The following ASTN2 variants were observed in gnomAD, a reference collection of about 807,000 sequenced individuals.
ASTN2 encodes the protein astrotactin 2.
A neutral mutation model predicts 139.8 loss-of-function variants in ASTN2; 54 were observed. That is an observed-to-expected ratio of 0.39 (90% CI 0.31 to 0.48). The LOEUF (loss-of-function observed/expected upper bound fraction) is 0.48, where lower values mean the gene tolerates loss of function less well. Among genes scored for constraint, ASTN2 ranks in the 20% least tolerant of loss-of-function variants. The pLI is 0.95. For missense variants in ASTN2, 1,565 were observed against 1,725.1 expected, an observed-to-expected ratio of 0.91 and a Z score of 1.64; for synonymous variants, 756 against 719.5, an observed-to-expected ratio of 1.05 and a Z score of -0.81.
chr9:117,236,531 T>A (rs78829241), intron 2 of ASTN2, among the ~76,000 whole-genome samples: 2,712 of 152,272 alleles, frequency 0.018, 48 homozygotes, highest in Middle Eastern at 0.041. Flanking sequence ...GGCAGTGACA[T>A]GTGATTCTCC....
At chr9:116,454,781 T>C (rs1356511643) in intron 20 of ASTN2, among the ~76,000 whole-genome samples, 2 of 152,052 alleles carry the variant, frequency 1.3e-5, no homozygotes, top group Non-Finnish European at 2.9e-5. Flanking sequence ...GAGCAAACTA[T>C]CGCAAGGACA....
intron 16 of ASTN2, among the ~76,000 whole-genome samples, chr9:116,680,394 C>A (rs1200404079): frequency 2.0e-5 from 3 of 152,176 alleles, no homozygotes; most frequent in Non-Finnish European, 4.4e-5. Context: ...AGCTTACCAA[C>A]CAAAAAGAGT....
At chr9:117,187,196 A>T (rs538079788) in intron 3 of ASTN2, among the ~76,000 whole-genome samples, 1 of 152,282 alleles carries the variant, frequency 6.6e-6, no homozygotes, top group South Asian at 2.1e-4. Flanking sequence ...TGTGTGTATG[A>T]TTATGTACAT....
intron 5 of ASTN2, among the ~76,000 whole-genome samples, chr9:117,088,215 G>A (rs7852391): frequency 0.87 from 131,593 of 152,128 alleles, 57,038 homozygotes; most frequent in East Asian, 0.96. Flanking sequence ...CTCTTTCTCC[G>A]GCCTCATTTT....
At chr9:116,642,594 A>G (rs996941297) in intron 17 of ASTN2, among the ~76,000 whole-genome samples, 1 of 152,188 alleles carries the variant, frequency 6.6e-6, no homozygotes, top group African/African-American at 2.4e-5. Flanking sequence ...ACAACATTTG[A>G]GTCAAGAATA....
chr9:116,651,855 T>A (rs1857935073), intron 16 of ASTN2, 62 bp from the exon 17 acceptor site: 1 of 1,562,260 alleles, frequency 6.4e-7, no homozygotes, highest in South Asian at 1.2e-5. Flanking sequence ...AAGGCCAGAC[T>A]CTTGAATTCA....
At chr9:116,435,941 C>G (rs957253860) in intron 22 of ASTN2, among the ~76,000 whole-genome samples, 3 of 152,088 alleles carry the variant, frequency 2.0e-5, no homozygotes, top group African/African-American at 7.2e-5. Context: ...AACAAGTCCT[C>G]AGGTGATTCT....
At chr9:117,235,044 G>A (rs902178793) in intron 2 of ASTN2, among the ~76,000 whole-genome samples, 1 of 152,118 alleles carries the variant, frequency 6.6e-6, no homozygotes, top group African/African-American at 2.4e-5. Flanking sequence ...GACCAGCCTG[G>A]CCAACATGGT....
intron 20 of ASTN2, among the ~76,000 whole-genome samples, chr9:116,473,781 T>C (rs1348503448): frequency 2.0e-5 from 3 of 151,900 alleles, no homozygotes; most frequent in African/African-American, 7.3e-5. Context: ...TGGGCACCTG[T>C]AACCCAGCTA....
intron 17 of ASTN2, among the ~76,000 whole-genome samples, chr9:116,632,029 G>A (rs554220426): frequency 2.0e-5 from 3 of 151,488 alleles, no homozygotes; most frequent in South Asian, 2.1e-4. Flanking sequence ...CAGGAGAGTC[G>A]CTTGAACCCA....
At chr9:117,361,664 T>C (rs939673215) in intron 1 of ASTN2, among the ~76,000 whole-genome samples, 7 of 152,158 alleles carry the variant, frequency 4.6e-5, no homozygotes, top group African/African-American at 1.7e-4. Flanking sequence ...GGCAGTTCCC[T>C]GGACCCTAAA....
intron 10 of ASTN2, among the ~76,000 whole-genome samples, chr9:116,953,986 T>C (rs1835637592): frequency 6.6e-6 from 1 of 152,208 alleles, no homozygotes; most frequent in Admixed American, 6.5e-5. Flanking sequence ...TGTATGGACA[T>C]GTAAGCTTGG....
At chr9:116,696,740 A>G (rs1398792843) in intron 16 of ASTN2, among the ~76,000 whole-genome samples, 3 of 152,170 alleles carry the variant, frequency 2.0e-5, no homozygotes, top group African/African-American at 7.2e-5. Context: ...CAGGATCTGT[A>G]TCCTAAAGAC....
chr9:117,352,505 C>G (rs1829419894), intron 1 of ASTN2, among the ~76,000 whole-genome samples: 1 of 152,150 alleles, frequency 6.6e-6, no homozygotes, highest in Admixed American at 6.5e-5. Context: ...AATTGGCCAA[C>G]AGTTGTTGAG....
chr9:116,749,605 T>C lies in ASTN2; in HGVS notation c.2397-16082A>G, dbSNP rs1829345048. On this transcript the variant is annotated intron_variant, in intron 13 of 22. Transcript: ENST00000313400. ...CACTGAAATTGCCATGGTGTGTCTA[T>C]TTCCCTACTTTTGGGGGGCAGGAAC... 2.0e-5 allele frequency among the ~76,000 whole-genome samples: 3 copies of C among 152,328 alleles called. No individual in the cohort carries two copies. The South Asian group carries it at 6.2e-4, about 32-fold the overall frequency.
At chr9:116,675,926 T>C (rs373710975) in intron 16 of ASTN2, among the ~76,000 whole-genome samples, 13 of 152,184 alleles carry the variant, frequency 8.5e-5, no homozygotes, top group African/African-American at 2.7e-4. Flanking sequence ...CAGGTTGACA[T>C]TGCGTGCTGA....
chr9:117,083,211 T>C (rs1347350691), intron 5 of ASTN2, among the ~76,000 whole-genome samples: 1 of 152,182 alleles, frequency 6.6e-6, no homozygotes, highest in Non-Finnish European at 1.5e-5. Flanking sequence ...ATTAGTTGAT[T>C]ATGCAAATAA....
At chr9:116,854,753 G>A (rs1043978741) in intron 11 of ASTN2, among the ~76,000 whole-genome samples, 11 of 149,702 alleles carry the variant, frequency 7.3e-5, no homozygotes, top group South Asian at 4.3e-4. Flanking sequence ...CCGGGTTCAC[G>A]CCATTCTCCT....
intron 19 of ASTN2, among the ~76,000 whole-genome samples, chr9:116,551,393 A>G (rs1358797254): frequency 1.3e-5 from 2 of 152,074 alleles, no homozygotes; most frequent in Non-Finnish European, 2.9e-5. Flanking sequence ...TTCTGCCATC[A>G]CCCATAATTT....
Sources: gnomAD v4.1 joint callset for allele counts (sites outside exome capture counted in the v4.1 genomes callset) on GRCh38, gnomAD v4.1.1 for gene constraint, MANE v1.5 for transcripts, NCBI Gene and HGNC (gene_info 2026-07-23, HGNC 2026-07-21) for gene names.